The following LRP1B variants were observed in gnomAD, a reference collection of about 807,000 sequenced individuals.
LRP1B encodes the protein LDL receptor related protein 1B.
Under a neutral mutation model 556.6 loss-of-function variants are expected in LRP1B, and 217 were observed. The ratio of observed to expected loss-of-function variants is 0.39; its 90% CI spans 0.35 to 0.44. The LOEUF (loss-of-function observed/expected upper bound fraction) is 0.44. Ranked by LOEUF, LRP1B falls within the 20% of genes least tolerant of loss-of-function variation. The pLI is 1.00. For missense variants in LRP1B, 5,053 were observed against 5,620.8 expected, an observed-to-expected ratio of 0.90 and a Z score of 3.23; for synonymous variants, 2,047 against 1,865.8, an observed-to-expected ratio of 1.10 and a Z score of -2.50.
At chr2:142,093,896 CTTAGT>C (rs1706266036) in intron 1 of LRP1B, among the ~76,000 whole-genome samples, 1 of 151,974 alleles carries the variant, frequency 6.6e-6, no homozygotes. Flanking sequence ...ACTTAGCTGC[CTTAGT>C]TTATTTGAAC....
chr2:140,654,222 T>C (rs1188479209), intron 41 of LRP1B, among the ~76,000 whole-genome samples: 2 of 152,054 alleles, frequency 1.3e-5, no homozygotes, highest in African/African-American at 4.8e-5. Flanking sequence ...CATGCTTTTC[T>C]GGATTGTTAC....
At chr2:142,098,809 C>G (rs1706469674) in intron 1 of LRP1B, among the ~76,000 whole-genome samples, 1 of 151,748 alleles carries the variant, frequency 6.6e-6, no homozygotes, top group African/African-American at 2.4e-5. Flanking sequence ...TCTGAGAAAT[C>G]TCAATGGACT....
At chr2:142,010,622 C>T (rs1202131579) in intron 1 of LRP1B, among the ~76,000 whole-genome samples, 2 of 151,086 alleles carry the variant, frequency 1.3e-5, no homozygotes, top group Non-Finnish European at 2.9e-5. Context: ...AGTATAACAG[C>T]CACAACAGAA....
intron 3 of LRP1B, among the ~76,000 whole-genome samples, chr2:141,468,402 T>A (rs1682325867): frequency 1.3e-5 from 2 of 152,142 alleles, no homozygotes; most frequent in South Asian, 4.1e-4. Context: ...AAATAATCAT[T>A]TTATCTGGAT....
chr2:141,632,810 C>T (rs1170391374), intron 2 of LRP1B, among the ~76,000 whole-genome samples: 2 of 144,116 alleles, frequency 1.4e-5, no homozygotes, highest in Non-Finnish European at 3.0e-5. Flanking sequence ...TAGTCTGAAT[C>T]ATGAAATATT....
intron 35 of LRP1B, among the ~76,000 whole-genome samples, chr2:140,758,954 C>T (rs1283177821): frequency 1.3e-5 from 2 of 151,882 alleles, no homozygotes; most frequent in South Asian, 4.2e-4. Context: ...ATGTTTAGAG[C>T]CTTGAATTAC....
At chr2:141,368,862 T>C (rs1311918649) in intron 3 of LRP1B, among the ~76,000 whole-genome samples, 1 of 151,838 alleles carries the variant, frequency 6.6e-6, no homozygotes, top group African/African-American at 2.4e-5. Flanking sequence ...GTATTAATAA[T>C]ATTGCTACTT....
At chr2:142,110,211 A>G (rs1046972177) in intron 1 of LRP1B, among the ~76,000 whole-genome samples, 2 of 152,150 alleles carry the variant, frequency 1.3e-5, no homozygotes, top group Admixed American at 6.6e-5. Context: ...AGTGGTACTT[A>G]TGGAGCATAA....
intron 2 of LRP1B, among the ~76,000 whole-genome samples, chr2:141,630,145 C>A (rs1688857111): frequency 6.6e-6 from 1 of 152,172 alleles, no homozygotes; most frequent in South Asian, 2.1e-4. Context: ...GACAAATAGG[C>A]CACACCAGCT....
intron 2 of LRP1B, among the ~76,000 whole-genome samples, chr2:141,707,102 A>T (rs1021813056): frequency 6.6e-6 from 1 of 152,148 alleles, no homozygotes; most frequent in Non-Finnish European, 1.5e-5. Context: ...CGGCATTAGG[A>T]AAATCAGTGT....
intron 2 of LRP1B, among the ~76,000 whole-genome samples, chr2:141,564,210 G>A (rs2105252497): frequency 6.6e-6 from 1 of 152,080 alleles, no homozygotes; most frequent in East Asian, 1.9e-4. Flanking sequence ...CTTTAAATGT[G>A]GACTATAAGA....
chr2:141,363,693 C>T (rs1358022681), intron 3 of LRP1B, among the ~76,000 whole-genome samples: 1 of 152,022 alleles, frequency 6.6e-6, no homozygotes, highest in Non-Finnish European at 1.5e-5. Context: ...TGGTATTTTA[C>T]ATGTACTTTT....
intron 86 of LRP1B, among the ~76,000 whole-genome samples, chr2:140,261,398 T>G (rs72988738): frequency 0.02 from 3,022 of 152,026 alleles, 90 homozygotes; most frequent in African/African-American, 0.069. Context: ...GACAGTGAGC[T>G]TGAATCTATA....
chr2:142,101,926 T>C (rs894760909), intron 1 of LRP1B, among the ~76,000 whole-genome samples: 1 of 152,006 alleles, frequency 6.6e-6, no homozygotes, highest in Admixed American at 6.6e-5. Context: ...TAGCCTCCCA[T>C]TGGCTCTGAG....
intron 41 of LRP1B, among the ~76,000 whole-genome samples, chr2:140,603,535 A>T (rs34691836): frequency 0.41 from 62,129 of 151,902 alleles, 12,969 homozygotes; most frequent in Middle Eastern, 0.5. Flanking sequence ...ATCCATCCTG[A>T]TTCTACATCT....
At chr2:140,681,555 C>T (rs957331096) in intron 41 of LRP1B, among the ~76,000 whole-genome samples, 2 of 151,992 alleles carry the variant, frequency 1.3e-5, no homozygotes, top group Non-Finnish European at 2.9e-5. Context: ...TTAAATGAGA[C>T]TAAGCTGACA....
chr2:141,923,149 G>A (rs1377837558), intron 1 of LRP1B, among the ~76,000 whole-genome samples: 1 of 151,606 alleles, frequency 6.6e-6, no homozygotes, highest in Non-Finnish European at 1.5e-5. Context: ...AGAACTGAAG[G>A]AGATTCCACA....
At chr2:141,305,501 A>T (rs200479546) in intron 3 of LRP1B, among the ~76,000 whole-genome samples, 2 of 152,082 alleles carry the variant, frequency 1.3e-5, no homozygotes, top group East Asian at 3.9e-4. Flanking sequence ...TGGAATCTTT[A>T]GTTTTTGTCT....
chr2:141,936,982 T>C (rs969070819), intron 1 of LRP1B, among the ~76,000 whole-genome samples: 47 of 152,126 alleles, frequency 3.1e-4, no homozygotes, highest in African/African-American at 1.1e-3. Flanking sequence ...GTCTTTATTC[T>C]GAACAATGTT....
Sources: gnomAD v4.1 joint callset for allele counts (sites outside exome capture counted in the v4.1 genomes callset) on GRCh38, gnomAD v4.1.1 for gene constraint, MANE v1.5 for transcripts, NCBI Gene and HGNC (gene_info 2026-07-23, HGNC 2026-07-21) for gene names.